The following ZNF804B variants were observed in gnomAD, a reference collection of about 807,000 sequenced individuals.
ZNF804B encodes the protein zinc finger 804B.
In ZNF804B, 80 loss-of-function variants were observed where a neutral mutation model predicts 101.4. That is an observed-to-expected ratio of 0.79 (90% CI 0.66 to 0.95). The LOEUF (loss-of-function observed/expected upper bound fraction) is 0.95. Ranked by LOEUF, ZNF804B falls within the 40% of genes least tolerant of loss-of-function variation. ZNF804B has a pLI of 0.00. For synonymous variants in ZNF804B, 622 were observed against 558.8 expected (o/e 1.11, Z -1.59); for missense variants, 1,673 against 1,561.9 (o/e 1.07, Z -1.20).
At chr7:89,192,361 A>G (rs1788468899) in intron 1 of ZNF804B, among the ~76,000 whole-genome samples, 1 of 151,960 alleles carries the variant, frequency 6.6e-6, no homozygotes, top group South Asian at 2.1e-4. Context: ...TTACCCATCC[A>G]CAGGGGAATG....
In ZNF804B at chr7:89,188,115, C is replaced by T. The variant is rs1193113066; in HGVS notation, c.109-30040C>T. Among the ~76,000 whole-genome samples the T allele has an allele frequency of 3.3e-5, 5 of 152,036 alleles. 1 individual carries two copies. The East Asian group carries it at 9.7e-4, about 29-fold the overall frequency. On this transcript the variant is annotated intron_variant, in intron 1 of 3. Coordinates refer to ENST00000333190, the MANE Select transcript of ZNF804B (RefSeq NM_181646.5). ...TTGAAGGTTTGTGGCAATGCCGCAT[C>T]AAACAAGTCTACATGTGCCATTCTC... is the stretch of plus-strand genomic sequence containing the variant.
At chr7:89,077,732 A>G (rs11975088) in intron 1 of ZNF804B, among the ~76,000 whole-genome samples, 68,376 of 151,966 alleles carry the variant, frequency 0.45, 16,226 homozygotes, top group Non-Finnish European at 0.53. Context: ...AAAAGATGTT[A>G]TATTAGCTTC....
rs140660356 is a variant in ZNF804B, at chr7:89,272,342, G to A, written c.249+54047G>A. Among the ~76,000 whole-genome samples, 1,044 of 152,100 alleles carry A rather than the reference G, an allele frequency of 6.9e-3. 9 individuals are homozygous for A. Among genetic ancestry groups the A allele is most frequent in the Non-Finnish European group, 0.011 (729 of 67,984 alleles). ...TTTTTGTTTTACATTTTCTAAATTG[G>A]AATCATAATTTATGCCTTGAGTACT... On this transcript the variant is annotated intron_variant, in intron 2 of 3. Transcript: ENST00000333190.
At chr7:89,138,221 T>A in intron 1 of ZNF804B, among the ~76,000 whole-genome samples, 1 of 151,766 alleles carries the variant, frequency 6.6e-6, no homozygotes, top group African/African-American at 2.4e-5. Flanking sequence ...GCACACAGAG[T>A]CTTTACTGGG....
At chr7:89,046,601 A>G (rs10237924) in intron 1 of ZNF804B, among the ~76,000 whole-genome samples, 49,253 of 152,008 alleles carry the variant, frequency 0.32, 8,263 homozygotes, top group East Asian at 0.51. Context: ...TCCTTAAAAC[A>G]TTCAGGCTTG....
intron 2 of ZNF804B, among the ~76,000 whole-genome samples, chr7:89,296,847 C>T (rs1372388151): frequency 6.6e-6 from 1 of 152,038 alleles, no homozygotes; most frequent in East Asian, 1.9e-4. Context: ...TAATGAGCTG[C>T]TGGCCTGTGT....
At chr7:89,242,786 T>C (rs1017853784) in intron 2 of ZNF804B, among the ~76,000 whole-genome samples, 3 of 151,922 alleles carry the variant, frequency 2.0e-5, no homozygotes, top group East Asian at 3.9e-4. Flanking sequence ...TGTCATAATT[T>C]ATCACCTAAT....
intron 1 of ZNF804B, among the ~76,000 whole-genome samples, chr7:88,966,043 T>C (rs1157367068): frequency 6.6e-6 from 1 of 151,468 alleles, no homozygotes; most frequent in Admixed American, 6.6e-5. Flanking sequence ...CTATTATATA[T>C]CTAATTCATA....
At chr7:88,833,286 T>A (rs1791160219) in intron 1 of ZNF804B, among the ~76,000 whole-genome samples, 1 of 151,952 alleles carries the variant, frequency 6.6e-6, no homozygotes, top group Non-Finnish European at 1.5e-5. Context: ...TATTTGAGGA[T>A]GCAATCTCAC....
intron 1 of ZNF804B, among the ~76,000 whole-genome samples, chr7:88,812,219 C>T (rs1443155447): frequency 6.6e-6 from 1 of 152,108 alleles, no homozygotes; most frequent in Non-Finnish European, 1.5e-5. Context: ...TCATCCATTC[C>T]AAAGAAATTG....
Position 89,334,325 on chromosome 7 carries a change from G to C in ZNF804B, c.1343G>C (p.Ser448Thr), listed in dbSNP as rs199926257. 1 of 1,613,778 alleles carries C rather than the reference G, an allele frequency of 6.2e-7. No individual in the cohort carries two copies. Among genetic ancestry groups the C allele is most frequent in the East Asian group, 2.2e-5 (1 of 44,858 alleles). ...SKPLPFLHVQ[S>T]KDGHTTLQWP... ...CCACTACCTTTTCTCCACGTTCAAAGCAAGGATGGCCACACCACTCTTCAA... is the reference window on the plus strand; with the variant it reads ...CCACTACCTTTTCTCCACGTTCAAACCAAGGATGGCCACACCACTCTTCAA... Residue 448 changes from serine (S) to threonine (T), a missense_variant, in exon 4 of 4, where the codon AGC becomes ACC. Ser to Thr is a moderately conservative substitution (Grantham distance 58, BLOSUM62 1). Coordinates refer to ENST00000333190, the MANE Select transcript of ZNF804B (RefSeq NM_181646.5).
intron 1 of ZNF804B, among the ~76,000 whole-genome samples, chr7:89,024,641 CAGAGA>C (rs1244432724): frequency 2.3e-5 from 2 of 87,492 alleles, no homozygotes; most frequent in Admixed American, 1.3e-4. Flanking sequence ...AAAGTCCTCT[CAGAGA>C]AGAGTATCAT....
intron 1 of ZNF804B, among the ~76,000 whole-genome samples, chr7:89,007,071 G>A (rs1788377422): frequency 6.6e-6 from 1 of 152,026 alleles, no homozygotes; most frequent in Non-Finnish European, 1.5e-5. Flanking sequence ...CCCTCTTTCT[G>A]ATTTCAATGC....
chr7:88,915,534 T>C (rs1038766606), intron 1 of ZNF804B, among the ~76,000 whole-genome samples: 8 of 152,082 alleles, frequency 5.3e-5, no homozygotes, highest in Admixed American at 3.3e-4. Context: ...GAAAAAAATA[T>C]ATTAGGTATG....
At chr7:89,165,809 C>A (rs1175839740) in intron 1 of ZNF804B, among the ~76,000 whole-genome samples, 1 of 151,954 alleles carries the variant, frequency 6.6e-6, no homozygotes, top group African/African-American at 2.4e-5. Flanking sequence ...GTAAAACAAG[C>A]CAAACATACA....
At chr7:88,958,065 T>C (rs948143430) in intron 1 of ZNF804B, among the ~76,000 whole-genome samples, 3 of 151,420 alleles carry the variant, frequency 2.0e-5, no homozygotes, top group African/African-American at 7.2e-5. Flanking sequence ...AGGTGATTGC[T>C]TTCTAGATTT....
intron 1 of ZNF804B, among the ~76,000 whole-genome samples, chr7:88,964,087 G>A (rs923873338): frequency 4.0e-5 from 6 of 151,446 alleles, no homozygotes; most frequent in Non-Finnish European, 7.4e-5. Flanking sequence ...TGCTGGGAAT[G>A]CAAAATGGTG....
intron 1 of ZNF804B, among the ~76,000 whole-genome samples, chr7:89,186,436 A>G (rs1192852994): frequency 6.6e-6 from 1 of 152,140 alleles, no homozygotes; most frequent in African/African-American, 2.4e-5. Context: ...AGTAAGATTT[A>G]TATGATAGTA....
chr7:88,826,356 A>C (rs7782064), intron 1 of ZNF804B, among the ~76,000 whole-genome samples: 75,547 of 151,960 alleles, frequency 0.5, 20,594 homozygotes, highest in East Asian at 0.81. Flanking sequence ...CCCTGCAACT[A>C]CTTTTCCTCA....
Sources: allele counts gnomAD v4.1 joint callset (sites outside exome capture counted in the v4.1 genomes callset), GRCh38; gene constraint gnomAD v4.1.1; transcripts MANE v1.5; gene names NCBI Gene and HGNC (gene_info 2026-07-23, HGNC 2026-07-21).